EDA: variants seen among roughly 807,000 people sequenced by gnomAD.
The protein encoded by EDA is ectodysplasin-A.
A neutral mutation model predicts 23.6 loss-of-function variants in EDA; 2 were observed. The observed-to-expected ratio is 0.08, with a 90% CI of 0.03 to 0.27. The LOEUF is 0.27. Among genes scored for constraint, EDA ranks in the 10% least tolerant of loss-of-function variants. The pLI is 1.00. For synonymous variants in EDA, 131 were observed against 132.0 expected (o/e 0.99, Z 0.05); for missense variants, 229 against 324.2 (o/e 0.71, Z 2.26).
intron 6 of EDA, among the ~76,000 whole-genome samples, chrX:70,032,298 C>G (rs922358672): frequency 6.5e-5 from 7 of 108,500 alleles, no homozygotes; most frequent in African/African-American, 2.3e-4. Flanking sequence ...GTGATGGGGT[C>G]AGGGGTTGGA....
At chrX:69,719,527 A>G (rs1477476249) in intron 1 of EDA, among the ~76,000 whole-genome samples, 1 of 110,312 alleles carries the variant, frequency 9.1e-6, no homozygotes, top group African/African-American at 3.3e-5. Flanking sequence ...TGAGTCTCCA[A>G]TGTTCATTAT....
intron 2 of EDA, among the ~76,000 whole-genome samples, chrX:69,977,071 A>G (rs1473351714): frequency 3.6e-5 from 4 of 111,764 alleles, no homozygotes; most frequent in Non-Finnish European, 7.5e-5. Context: ...AAACACACCA[A>G]TGAATTTTTA....
intron 1 of EDA, among the ~76,000 whole-genome samples, chrX:69,679,135 C>T (rs1474936274): frequency 1.9e-4 from 21 of 109,316 alleles, no homozygotes; most frequent in Non-Finnish European, 2.9e-4. Context: ...TATTGATTTG[C>T]GTATATTGAA....
intron 1 of EDA, among the ~76,000 whole-genome samples, chrX:69,778,009 A>G (rs1375987918): frequency 9.0e-6 from 1 of 111,369 alleles, no homozygotes; most frequent in African/African-American, 3.3e-5. Flanking sequence ...CTATCATAAG[A>G]CGTTGCTGGT....
intron 1 of EDA, among the ~76,000 whole-genome samples, chrX:69,869,478 T>A (rs1197749247): frequency 9.0e-6 from 1 of 111,280 alleles, no homozygotes; most frequent in Admixed American, 9.5e-5. Context: ...AAATTGTCAG[T>A]AATATAGTGG....
At chrX:69,904,102 C>T (rs1233090658) in intron 1 of EDA, among the ~76,000 whole-genome samples, 1 of 111,243 alleles carries the variant, frequency 9.0e-6, no homozygotes, top group African/African-American at 3.3e-5. Flanking sequence ...TGAGCCACCA[C>T]CCCCGGCCAC....
At chrX:69,912,111 A>G (rs2018275537) in intron 1 of EDA, among the ~76,000 whole-genome samples, 1 of 111,984 alleles carries the variant, frequency 8.9e-6, no homozygotes, top group Non-Finnish European at 1.9e-5. Context: ...TTCCTTTGCT[A>G]ATCCATAAGA....
chrX:69,962,618 G>A lies in EDA; in HGVS notation c.502+5486G>A, dbSNP rs797016740. On this transcript the variant is annotated intron_variant, in intron 2 of 7. Transcript: ENST00000374552. ...GGCTAACTTTTATATTTTAGTAGAG[G>A]CAGGGTTTCACCTTGTTGGCCAGGC... is the stretch of plus-strand genomic sequence containing the variant. Among the ~76,000 whole-genome samples, 3 of 110,564 alleles carry A rather than the reference G, an allele frequency of 2.7e-5. No individual in the cohort carries two copies. In the South Asian group the frequency reaches 1.2e-3, roughly 43 times the overall value.
At chrX:69,621,704 C>G (rs1932186651) in intron 1 of EDA, among the ~76,000 whole-genome samples, 1 of 111,492 alleles carries the variant, frequency 9.0e-6, no homozygotes, top group Non-Finnish European at 1.9e-5. Context: ...TTCGTGACAT[C>G]CATTCAGGTT....
chrX:69,962,281 A>G lies in EDA; in HGVS notation c.502+5149A>G, dbSNP rs1415046510. Among the ~76,000 whole-genome samples the G allele has an allele frequency of 3.6e-5, 4 of 111,738 alleles. No homozygotes were observed. The South Asian group carries it at 1.5e-3, about 42-fold the overall frequency. ...ATTTCTTGATTCCAATCTTGATGTC[A>G]CTGCCACCTTACCAGCCATGTGAAC... On this transcript the variant is annotated intron_variant, in intron 2 of 7. Transcript: ENST00000374552.
At chrX:69,852,155 G>A (rs1344321551) in intron 1 of EDA, among the ~76,000 whole-genome samples, 1 of 111,903 alleles carries the variant, frequency 8.9e-6, no homozygotes, top group East Asian at 2.8e-4. Context: ...CAGAGACGGA[G>A]TTTCCCTCTT....
chrX:69,956,453 T>C (rs2019008581), intron 1 of EDA, among the ~76,000 whole-genome samples: 1 of 106,800 alleles, frequency 9.4e-6, no homozygotes, highest in Non-Finnish European at 1.9e-5. Flanking sequence ...GCGATTCTCC[T>C]ACCTCAGCCT....
At chrX:69,950,919 C>G (rs2018912637) in intron 1 of EDA, among the ~76,000 whole-genome samples, 1 of 81,236 alleles carries the variant, frequency 1.2e-5, no homozygotes, top group Non-Finnish European at 2.2e-5. Flanking sequence ...GGAAGGGGAA[C>G]ATCACACTCT....
intron 1 of EDA, among the ~76,000 whole-genome samples, chrX:69,834,769 G>A (rs1323813050): frequency 6.3e-5 from 7 of 111,417 alleles, no homozygotes; most frequent in African/African-American, 2.3e-4. Flanking sequence ...ATGTTAGCTG[G>A]TTATTTTCCT....
chrX:69,653,456 A>G (rs1933172183), intron 1 of EDA, among the ~76,000 whole-genome samples: 1 of 111,024 alleles, frequency 9.0e-6, no homozygotes, highest in African/African-American at 3.3e-5. Context: ...TCCTAATTGA[A>G]TACCCTTTAT....
At chrX:69,821,993 A>T (rs1246981946) in intron 1 of EDA, among the ~76,000 whole-genome samples, 1 of 111,216 alleles carries the variant, frequency 9.0e-6, no homozygotes, top group Non-Finnish European at 1.9e-5. Context: ...TTTTACTGAA[A>T]ATTGGGAGGC....
intron 1 of EDA, among the ~76,000 whole-genome samples, chrX:69,745,253 CTA>C (rs1199731203): frequency 9.0e-6 from 1 of 111,496 alleles, no homozygotes; most frequent in African/African-American, 3.3e-5. Context: ...TGATGGGTAG[CTA>C]TATATGTTTT....
chrX:69,730,987 T>C (rs2013001772), intron 1 of EDA, among the ~76,000 whole-genome samples: 1 of 112,648 alleles, frequency 8.9e-6, no homozygotes, highest in South Asian at 3.6e-4. Context: ...AGTGAAACCA[T>C]GTCAACCTGA....
chrX:69,751,756 G>A (rs142713302), intron 1 of EDA, among the ~76,000 whole-genome samples: 2,041 of 110,810 alleles, frequency 0.018, 55 homozygotes, highest in African/African-American at 0.063. Context: ...CTTGTAAGTC[G>A]GATTCCTAGG....
Sources: allele counts gnomAD v4.1 joint callset (sites outside exome capture counted in the v4.1 genomes callset), GRCh38; gene constraint gnomAD v4.1.1; transcripts MANE v1.5; gene names NCBI Gene and HGNC (gene_info 2026-07-23, HGNC 2026-07-21).